MYO5B: variants seen among roughly 807,000 people sequenced by gnomAD.
MYO5B encodes unconventional myosin-Vb.
A neutral mutation model predicts 229.3 loss-of-function variants in MYO5B; 143 were observed. The ratio of observed to expected loss-of-function variants is 0.62; its 90% CI spans 0.54 to 0.72. The LOEUF (loss-of-function observed/expected upper bound fraction) is 0.72. Ranked by LOEUF, MYO5B falls within the 30% of genes least tolerant of loss-of-function variation. The pLI is 0.00. For synonymous variants in MYO5B, 918 were observed against 885.2 expected, an observed-to-expected ratio of 1.04 and a Z score of -0.66; for missense variants, 2,321 against 2,331.0, an observed-to-expected ratio of 1.00 and a Z score of 0.09.
chr18:49,856,903 G>A lies in MYO5B; in HGVS notation c.3945-13C>T, dbSNP rs368377280. 29 of 1,611,256 alleles carry A rather than the reference G, an allele frequency of 1.8e-5. No homozygotes were observed. Among genetic ancestry groups the A allele is most frequent in the African/African-American group, 2.7e-5 (2 of 74,892 alleles). ...ATCCTCAGTCTTGCTAGAAACAAAG[G>A]ACAGAAAAACAGGGTGTCCAGTGTA... On this transcript the variant is annotated splice_polypyrimidine_tract_variant and intron_variant, in intron 29 of 39. Transcript: ENST00000285039.
In MYO5B at chr18:50,103,856, C is replaced by T. The variant is rs569239049; in HGVS notation, c.28-48478G>A. Among the ~76,000 whole-genome samples, 4 of 152,244 alleles carry T rather than the reference C, an allele frequency of 2.6e-5. No homozygotes were observed. The East Asian group carries it at 7.7e-4, about 29-fold the overall frequency. ...CTCTAAATAATAATTTGCCGTCAAG[C>T]ACATGCAGTTCCAAATGGGTAGGGC... On this transcript the variant is annotated intron_variant, in intron 1 of 39. Transcript: ENST00000285039.
At chr18:50,147,117 C>T (rs374986809) in intron 1 of MYO5B, among the ~76,000 whole-genome samples, 1 of 152,182 alleles carries the variant, frequency 6.6e-6, no homozygotes, top group East Asian at 1.9e-4. Context: ...GGACTGCCTT[C>T]TTGAGCTCTA....
At chr18:49,851,417 G>A (rs552802700) in intron 31 of MYO5B, among the ~76,000 whole-genome samples, 1 of 152,276 alleles carries the variant, frequency 6.6e-6, no homozygotes, top group East Asian at 1.9e-4. Context: ...AACTTTGTAG[G>A]GGTATTGGAA....
intron 15 of MYO5B, among the ~76,000 whole-genome samples, chr18:49,937,023 G>A (rs890383305): frequency 3.3e-5 from 5 of 152,176 alleles, no homozygotes; most frequent in Admixed American, 6.5e-5. Context: ...CATACTTATG[G>A]AGGCTACGGT....
At chr18:50,106,969 A>C (rs1305970487) in intron 1 of MYO5B, among the ~76,000 whole-genome samples, 2 of 152,158 alleles carry the variant, frequency 1.3e-5, no homozygotes, top group African/African-American at 4.8e-5. Flanking sequence ...GGGAGGGTGC[A>C]AAGGGAGGAG....
At chr18:49,826,703 G>A (rs563319680) in intron 39 of MYO5B, 80 bp from the exon 40 acceptor site, 1 of 1,512,404 alleles carries the variant, frequency 6.6e-7, no homozygotes, top group Admixed American at 1.7e-5. Context: ...AAAGTGAGTT[G>A]GCATATATCA....
At chr18:50,064,533 A>T (rs2030771904) in intron 1 of MYO5B, 1 of 152,230 alleles carries the variant, frequency 6.6e-6, no homozygotes, top group East Asian at 1.9e-4. Flanking sequence ...AAAATCTTTA[A>T]GTCACTTAAG....
chr18:49,906,302 GC>G, intron 19 of MYO5B, 116 bp downstream of exon 19: 1 of 1,007,850 alleles, frequency 9.9e-7, no homozygotes, highest in East Asian at 2.6e-5. Flanking sequence ...TGCAGACATG[GC>G]CCCAACAGGA....
At chr18:49,864,084 A>G (rs1160234304) in intron 28 of MYO5B, 57 bp downstream of exon 28, 1 of 1,592,848 alleles carries the variant, frequency 6.3e-7, no homozygotes, top group Non-Finnish European at 8.5e-7. Flanking sequence ...AAAAAACACT[A>G]ATCTACCACC....
chr18:49,872,352 C>T, intron 26 of MYO5B, 120 bp from the exon 27 acceptor site: 2 of 924,410 alleles, frequency 2.2e-6, no homozygotes, highest in South Asian at 2.6e-5. Flanking sequence ...ACACCCCCAC[C>T]CTCCACAAGT....
chr18:50,078,446 T>C (rs1299924704), intron 1 of MYO5B, among the ~76,000 whole-genome samples: 1 of 152,168 alleles, frequency 6.6e-6, no homozygotes, highest in Non-Finnish European at 1.5e-5. Flanking sequence ...CCCACTAAAA[T>C]CTGGATTGAC....
At chr18:49,942,232 C>T (rs1302016885) in intron 14 of MYO5B, among the ~76,000 whole-genome samples, 1 of 151,042 alleles carries the variant, frequency 6.6e-6, no homozygotes, top group African/African-American at 2.4e-5. Flanking sequence ...ACCATAAAAA[C>T]CCTAGAAGAA....
At chr18:49,897,977 C>A (rs1447479282) in intron 21 of MYO5B, among the ~76,000 whole-genome samples, 3 of 152,174 alleles carry the variant, frequency 2.0e-5, no homozygotes, top group African/African-American at 4.8e-5. Context: ...TTTTTATTAT[C>A]CCTTCTCTAT....
intron 1 of MYO5B, among the ~76,000 whole-genome samples, chr18:50,110,154 C>T (rs2031839730): frequency 6.6e-6 from 1 of 151,988 alleles, no homozygotes; most frequent in Non-Finnish European, 1.5e-5. Context: ...ATCCACGCTG[C>T]TTCCTCCCTC....
At chr18:50,050,346 C>G (rs148339193) in intron 2 of MYO5B, among the ~76,000 whole-genome samples, 2 of 152,262 alleles carry the variant, frequency 1.3e-5, no homozygotes, top group Non-Finnish European at 2.9e-5. Context: ...GCTCTGCATT[C>G]TCAAGGTGAA....
intron 22 of MYO5B, among the ~76,000 whole-genome samples, chr18:49,885,177 C>T (rs184861881): frequency 2.6e-5 from 4 of 152,186 alleles, no homozygotes; most frequent in Non-Finnish European, 5.9e-5. Context: ...AAAACTTGTA[C>T]GCTGACTGAC....
At chr18:50,085,389 G>A (rs1404133077) in intron 1 of MYO5B, among the ~76,000 whole-genome samples, 1 of 151,928 alleles carries the variant, frequency 6.6e-6, no homozygotes, top group Non-Finnish European at 1.5e-5. Context: ...CAGTTAGAAC[G>A]GCGAACATTA....
chr18:50,072,917 G>A (rs144698351), intron 1 of MYO5B, among the ~76,000 whole-genome samples: 1 of 152,242 alleles, frequency 6.6e-6, no homozygotes, highest in Non-Finnish European at 1.5e-5. Flanking sequence ...AGGCTGGAGT[G>A]TGCAAGGAAA....
At chr18:50,130,108 G>A (rs1232535474) in intron 1 of MYO5B, among the ~76,000 whole-genome samples, 1 of 152,184 alleles carries the variant, frequency 6.6e-6, no homozygotes, top group Middle Eastern at 3.2e-3. Flanking sequence ...CCACAGCAAG[G>A]CTGAGTGCCA....
Sources: gnomAD v4.1 joint callset for allele counts (sites outside exome capture counted in the v4.1 genomes callset) on GRCh38, gnomAD v4.1.1 for gene constraint, MANE v1.5 for transcripts, NCBI Gene and HGNC (gene_info 2026-07-23, HGNC 2026-07-21) for gene names.